LNX2: variants seen among roughly 807,000 people sequenced by gnomAD.
The protein encoded by LNX2 is ligand of Numb protein X 2.
In LNX2, 35 loss-of-function variants were observed where a neutral mutation model predicts 66.2. That is an observed-to-expected ratio of 0.53 (90% CI 0.40 to 0.70). The LOEUF is 0.70. LNX2 is among the 30% of genes least tolerant of loss of function. The pLI, the probability that LNX2 is intolerant of heterozygous loss-of-function variation, is 0.00. For missense variants in LNX2, 791 were observed against 850.8 expected (o/e 0.93, Z 0.87); for synonymous variants, 337 against 315.6 (o/e 1.07, Z -0.72).
In LNX2 at chr13:27,609,148, A is replaced by ATTTTTT. The variant is rs34922531; in HGVS notation, c.-101+11221_-101+11226dup. Reference sequence around the variant, plus strand: ...CAAAAGGTTCAAATAACCAACAGTGATTTTTTTTTTCTTTTTTTTTAAGAG... The same window carrying ATTTTTT: ...CAAAAGGTTCAAATAACCAACAGTGATTTTTTTTTTTTTTTTCTTTTTTTTTAAGAG... On this transcript the variant is annotated intron_variant, in intron 1 of 9. Transcript: ENST00000316334. Among the ~76,000 whole-genome samples the ATTTTTT allele has an allele frequency of 3.5e-5, 2 of 56,482 alleles. 1 individual carries two copies. 37.1% of individuals were successfully genotyped at this position (56,482 alleles called of 152,430 possible). A position where few individuals can be genotyped will look rare whatever the true frequency, so the allele number is the denominator to read the frequency against.
At chr13:27,620,583 T>A (rs1314446625), upstream of LNX2, among the ~76,000 whole-genome samples, 2 of 152,144 alleles carry the variant, frequency 1.3e-5, no homozygotes, top group African/African-American at 4.8e-5. Flanking sequence ...CCTGCTGCCT[T>A]CCCGGGGGCA....
intron 1 of LNX2, among the ~76,000 whole-genome samples, chr13:27,619,975 A>G (rs1955876151): frequency 6.6e-6 from 1 of 152,040 alleles, no homozygotes; most frequent in African/African-American, 2.4e-5. Context: ...TGCCACTCTC[A>G]TTGCCGACAC....
intron 6 of LNX2, among the ~76,000 whole-genome samples, chr13:27,558,422 A>C (rs1955089443): frequency 6.6e-6 from 1 of 152,098 alleles, no homozygotes; most frequent in African/African-American, 2.4e-5. Context: ...AGAAAAATAC[A>C]TGTGCCCACA....
At chr13:27,585,414 T>G (rs1237599304) in intron 1 of LNX2, among the ~76,000 whole-genome samples, 1 of 151,456 alleles carries the variant, frequency 6.6e-6, no homozygotes, top group Non-Finnish European at 1.5e-5. Context: ...ACAGCAAGAC[T>G]CTGTCTCAAA....
Position 27,546,914 on chromosome 13 carries a change from C to T in LNX2, c.*1421G>A, listed in dbSNP as rs1031304382. ...ATGGGCTAGTCATAATTTTCAAAAA[C>T]ATTTCAAAAAATATGAAATAGTCTA... On this transcript the variant is annotated 3_prime_UTR_variant, in exon 10 of 10. Coordinates refer to ENST00000316334, the MANE Select transcript of LNX2 (RefSeq NM_153371.4). 2 of 152,064 alleles carry T rather than the reference C, an allele frequency of 1.3e-5. No individual in the cohort carries two copies. The highest frequency in any genetic ancestry group is 4.8e-5 in the African/African-American group (2 of 41,424). 9.4% of individuals were successfully genotyped at this position (152,064 alleles called of 1,614,324 possible). A position where few individuals can be genotyped will look rare whatever the true frequency, so the allele number is the denominator to read the frequency against.
chr13:27,567,513 T>C (rs1955221182), intron 4 of LNX2, 127 bp downstream of exon 4: 1 of 717,654 alleles, frequency 1.4e-6, no homozygotes, highest in Non-Finnish European at 2.4e-6. Flanking sequence ...TTCTGATGTT[T>C]TGCATATAGA....
At chr13:27,561,457 T>C (rs1342888868) in intron 5 of LNX2, among the ~76,000 whole-genome samples, 1 of 152,202 alleles carries the variant, frequency 6.6e-6, no homozygotes, top group Non-Finnish European at 1.5e-5. Flanking sequence ...TACCCACAGA[T>C]ATAGGTCCTA....
chr13:27,596,408 A>G (rs758337869), intron 1 of LNX2, among the ~76,000 whole-genome samples: 13 of 152,194 alleles, frequency 8.5e-5, no homozygotes, highest in Non-Finnish European at 1.8e-4. Context: ...CAGATTCATC[A>G]TTTATTATAA....
At chr13:27,559,818 A>AT (rs765358246) in intron 6 of LNX2, 24 bp downstream of exon 6, 744 of 1,482,926 alleles carry the variant, frequency 5.0e-4, no homozygotes, top group Admixed American at 1.3e-3. Flanking sequence ...TGATGGTGGC[A>AT]TAAAAAAAAA....
chr13:27,553,875 T>G (rs1307035565), intron 7 of LNX2, among the ~76,000 whole-genome samples: 2 of 152,170 alleles, frequency 1.3e-5, no homozygotes, highest in African/African-American at 2.4e-5. Flanking sequence ...GTTCTATACA[T>G]AAGGACAGCC....
Position 27,581,723 on chromosome 13 carries a change from CT to C in LNX2, c.-21del. 6.4e-7 allele frequency: 1 copy of C among 1,565,850 alleles called. No homozygotes were observed. Among genetic ancestry groups the C allele is most frequent in the South Asian group, 1.2e-5 (1 of 82,328 alleles). ...TCCCATTTTGAATCAATTCTGTATC[CT>C]CATGTGTTAGACTTCCACTTCACGC... On this transcript the variant is annotated 5_prime_UTR_variant, in exon 2 of 10. An upstream open reading frame in the 5' UTR loses its in-frame stop. Coordinates refer to ENST00000316334, the MANE Select transcript of LNX2 (RefSeq NM_153371.4).
intron 7 of LNX2, 131 bp from the exon 8 acceptor site, chr13:27,553,570 G>A (rs547245579): frequency 1.2e-5 from 7 of 607,448 alleles, no homozygotes; most frequent in South Asian, 6.3e-5. Context: ...ATAATAAATG[G>A]CATTTATTAT....
intron 5 of LNX2, among the ~76,000 whole-genome samples, chr13:27,560,587 C>CTATATATATATAT (rs1313161860): frequency 7.2e-5 from 5 of 69,438 alleles, no homozygotes; most frequent in African/African-American, 2.6e-4. Context: ...ATATATATAG[C>CTATATATATATAT]ATACTTGTGT....
At chr13:27,565,040 A>G (rs983806020) in intron 4 of LNX2, among the ~76,000 whole-genome samples, 1 of 152,188 alleles carries the variant, frequency 6.6e-6, no homozygotes, top group Admixed American at 6.5e-5. Flanking sequence ...TCATTAAACT[A>G]GATGTAAGAT....
intron 1 of LNX2, among the ~76,000 whole-genome samples, chr13:27,594,310 T>C (rs1246174499): frequency 1.3e-5 from 2 of 152,172 alleles, no homozygotes; most frequent in Non-Finnish European, 2.9e-5. Context: ...GTTTTTCTTA[T>C]CAATTGATTT....
chr13:27,598,206 A>C (rs1955620506), intron 1 of LNX2, among the ~76,000 whole-genome samples: 1 of 148,818 alleles, frequency 6.7e-6, no homozygotes, highest in South Asian at 2.1e-4. Context: ...GCACTGTTTA[A>C]AAAAAAAAAA....
Position 27,590,202 on chromosome 13 carries a change from G to C in LNX2, c.-100-8399C>G, listed in dbSNP as rs549269810. Reference sequence around the variant, plus strand: ...CCAAAAGTGCTATTTAGGAGATGCTGCTGCATCTATGGTTGGTTTTTTATT... The same window carrying C: ...CCAAAAGTGCTATTTAGGAGATGCTCCTGCATCTATGGTTGGTTTTTTATT... On this transcript the variant is annotated intron_variant, in intron 1 of 9. Transcript: ENST00000316334. 2.0e-5 allele frequency among the ~76,000 whole-genome samples: 3 copies of C among 152,086 alleles called. No individual in the cohort carries two copies. In the East Asian group the frequency reaches 5.8e-4, roughly 29 times the overall value.
intron 5 of LNX2, among the ~76,000 whole-genome samples, chr13:27,561,815 C>T (rs1955139148): frequency 6.6e-6 from 1 of 152,176 alleles, no homozygotes; most frequent in African/African-American, 2.4e-5. Flanking sequence ...ATGTATAGAT[C>T]TCCTCTGGAT....
intron 1 of LNX2, among the ~76,000 whole-genome samples, chr13:27,617,598 T>G (rs1245059379): frequency 2.0e-5 from 3 of 152,208 alleles, no homozygotes; most frequent in Non-Finnish European, 4.4e-5. Context: ...ATGCCTAATA[T>G]TCAATGTCAA....
Sources: gnomAD v4.1 joint callset for allele counts (sites outside exome capture counted in the v4.1 genomes callset) on GRCh38, gnomAD v4.1.1 for gene constraint, MANE v1.5 for transcripts, NCBI Gene and HGNC (gene_info 2026-07-23, HGNC 2026-07-21) for gene names.